IL7: variants seen among roughly 807,000 people sequenced by gnomAD.
The protein encoded by IL7 is interleukin-7.
IL7 carries 3 observed loss-of-function variants against 21.6 expected under a neutral mutation model. The ratio of observed to expected loss-of-function variants is 0.14; its 90% CI spans 0.06 to 0.36. The LOEUF (loss-of-function observed/expected upper bound fraction) is 0.36. IL7 is among the 10% of genes least tolerant of loss of function. The pLI is 1.00. For missense variants in IL7, 175 were observed against 200.2 expected (o/e 0.87, Z 0.76); for synonymous variants, 62 against 68.1 (o/e 0.91, Z 0.44).
At chr8:78,696,608 T>C (rs1276143793) in intron 3 of IL7, among the ~76,000 whole-genome samples, 1 of 152,200 alleles carries the variant, frequency 6.6e-6, no homozygotes, top group Non-Finnish European at 1.5e-5. Context: ...AAGATGTCTC[T>C]TTAGAGGAGT....
intron 3 of IL7, among the ~76,000 whole-genome samples, chr8:78,687,612 T>TTA (rs1281174211): frequency 3.0e-5 from 4 of 135,528 alleles, no homozygotes; most frequent in South Asian, 2.2e-4. Flanking sequence ...ACATAATACA[T>TTA]TATATATATT....
chr8:78,778,289 C>T (rs1404334206), intron 2 of IL7, among the ~76,000 whole-genome samples: 1 of 152,050 alleles, frequency 6.6e-6, no homozygotes, highest in Non-Finnish European at 1.5e-5. Flanking sequence ...ATAGTCCTCT[C>T]TGATGAAATG....
intron 2 of IL7, among the ~76,000 whole-genome samples, chr8:78,749,818 G>A (rs562457321): frequency 6.6e-6 from 1 of 152,200 alleles, no homozygotes; most frequent in East Asian, 1.9e-4. Flanking sequence ...AGGATCACTT[G>A]AGCCCAGAAG....
At chr8:78,714,325 C>A (rs933765872), downstream of IL7, among the ~76,000 whole-genome samples, 2 of 151,948 alleles carry the variant, frequency 1.3e-5, no homozygotes, top group Non-Finnish European at 2.9e-5. Context: ...TTTCTATGGG[C>A]AAAATAATTA....
intron 2 of IL7, among the ~76,000 whole-genome samples, chr8:78,778,689 C>T (rs918292525): frequency 2.0e-5 from 3 of 152,000 alleles, no homozygotes; most frequent in Non-Finnish European, 2.9e-5. Context: ...GTGCCTCCAG[C>T]TTTGTTCTTT....
chr8:78,705,417 C>T (rs1810741100), intron 3 of IL7, among the ~76,000 whole-genome samples: 1 of 152,168 alleles, frequency 6.6e-6, no homozygotes, highest in Non-Finnish European at 1.5e-5. Flanking sequence ...GTGAAGGCTA[C>T]AAATCAGCAA....
At chr8:78,736,636 A>G (rs891174889) in intron 4 of IL7, 109 bp from the exon 5 acceptor site, 4 of 604,090 alleles carry the variant, frequency 6.6e-6, no homozygotes, top group Non-Finnish European at 5.9e-6. Flanking sequence ...TCTATTTGAG[A>G]CTCTACTTTA....
intron 3 of IL7, among the ~76,000 whole-genome samples, chr8:78,711,400 A>G (rs142583110): frequency 6.6e-6 from 1 of 151,768 alleles, no homozygotes; most frequent in Non-Finnish European, 1.5e-5. Flanking sequence ...GCCCCTTACC[A>G]TTATTATATG....
At chr8:78,784,934 A>G (rs1813460453) in intron 2 of IL7, among the ~76,000 whole-genome samples, 3 of 151,882 alleles carry the variant, frequency 2.0e-5, no homozygotes, top group African/African-American at 7.3e-5. Flanking sequence ...ACATACATAA[A>G]TTTCTGCCTG....
intron 2 of IL7, among the ~76,000 whole-genome samples, chr8:78,793,414 C>A (rs1383111293): frequency 2.0e-5 from 3 of 152,058 alleles, no homozygotes; most frequent in Non-Finnish European, 4.4e-5. Context: ...GTGAGTCATA[C>A]AATTTTGTTT....
intron 4 of IL7, among the ~76,000 whole-genome samples, chr8:78,677,168 C>G (rs1379046802): frequency 6.6e-6 from 1 of 151,936 alleles, no homozygotes; most frequent in East Asian, 1.9e-4. Context: ...GTTCTACCTT[C>G]TTTAGTGTTT....
chr8:78,695,079 G>A (rs1405421769), intron 3 of IL7, among the ~76,000 whole-genome samples: 2 of 152,110 alleles, frequency 1.3e-5, no homozygotes, highest in African/African-American at 4.8e-5. Context: ...CTAGGTCAGG[G>A]AAAACAGCAA....
chr8:78,695,977 A>G (rs1346077629), intron 3 of IL7, among the ~76,000 whole-genome samples: 1 of 152,132 alleles, frequency 6.6e-6, no homozygotes, highest in African/African-American at 2.4e-5. Context: ...TAAATTTTAT[A>G]TTGATTATTG....
chr8:78,713,294 C>T (rs1811004318), downstream of IL7, among the ~76,000 whole-genome samples: 1 of 151,910 alleles, frequency 6.6e-6, no homozygotes, highest in South Asian at 2.1e-4. Context: ...AAATAAATGA[C>T]AGGTATTTAA....
downstream of IL7, among the ~76,000 whole-genome samples, chr8:78,730,254 T>A (rs1346218652): frequency 6.6e-6 from 1 of 151,972 alleles, no homozygotes; most frequent in Non-Finnish European, 1.5e-5. Context: ...AAACCCCAGA[T>A]TATTCCCAAT....
downstream of IL7, among the ~76,000 whole-genome samples, chr8:78,729,796 T>C (rs552765320): frequency 3.9e-5 from 6 of 152,146 alleles, no homozygotes; most frequent in South Asian, 1.2e-3. Flanking sequence ...CCAATTAAAG[T>C]TTTAGGTTAA....
intron 3 of IL7, among the ~76,000 whole-genome samples, chr8:78,692,061 C>G (rs1453329019): frequency 6.6e-6 from 1 of 152,108 alleles, no homozygotes; most frequent in South Asian, 2.1e-4. Context: ...AATTTTTTCT[C>G]TTTGCAATTT....
At chr8:78,698,438 C>T (rs142471753) in intron 3 of IL7, 2 of 1,612,640 alleles carry the variant, frequency 1.2e-6, no homozygotes, top group African/African-American at 2.7e-5. Flanking sequence ...AAAGTGTCTT[C>T]AAGTAGCAGC....
Position 78,738,666 on chromosome 8 carries a change from G to A in IL7, c.229-31C>T, listed in dbSNP as rs1009888127. On this transcript the variant is annotated intron_variant, in intron 3 of 5. Coordinates refer to ENST00000263851, the MANE Select transcript of IL7 (RefSeq NM_000880.4). ...ATAGGAAAAAGTCAGAAGGGCCATG[G>A]TTCAAATAAAATATTAAGAAATTAT... The A allele has an allele frequency of 8.1e-6, 13 of 1,595,786 alleles. No individual in the cohort carries two copies. In the African/African-American group the frequency reaches 1.6e-4, roughly 20 times the overall value.
Sources: gnomAD v4.1 joint callset for allele counts (sites outside exome capture counted in the v4.1 genomes callset) on GRCh38, gnomAD v4.1.1 for gene constraint, MANE v1.5 for transcripts, NCBI Gene and HGNC (gene_info 2026-07-23, HGNC 2026-07-21) for gene names.